Variants in CST9 observed in about 807,000 individuals in gnomAD.
CST9 encodes cystatin-9.
CST9 carries 11 observed loss-of-function variants against 7.7 expected under a neutral mutation model. The observed-to-expected ratio is 1.44, with a 90% CI of 0.90 to 2.38. The LOEUF is 2.38. CST9 is among the 30% of genes most tolerant of loss of function. The pLI is 0.00. For missense variants in CST9, 214 were observed against 199.1 expected (o/e 1.07, Z -0.45); for synonymous variants, 71 against 74.3 (o/e 0.96, Z 0.23).
chr20:23,604,605 A>G (rs370987869), intron 1 of CST9, among the ~76,000 whole-genome samples: 1 of 152,228 alleles, frequency 6.6e-6, no homozygotes, highest in South Asian at 2.1e-4. Context: ...TCCAGCATGA[A>G]TATTAGCAGC....
chr20:23,605,534 C>G, intron 1 of CST9, 76 bp downstream of exon 1: 2 of 1,517,594 alleles, frequency 1.3e-6, no homozygotes, highest in South Asian at 2.5e-5. Flanking sequence ...AACCAAGTCT[C>G]CTAGACTAGA....
rs1978654885 is a variant in CST9 at position 23,602,953 on chromosome 20, A to G, written c.*557T>C. 8.1e-6 allele frequency: 8 copies of G among 989,514 alleles called. No individual in the cohort carries two copies. Among genetic ancestry groups the G allele is most frequent in the African/African-American group, 1.7e-5 (1 of 57,386 alleles). 61.3% of individuals were successfully genotyped at this position (989,514 alleles called of 1,614,324 possible). A position where few individuals can be genotyped will look rare whatever the true frequency, so the allele number is the denominator to read the frequency against. On this transcript the variant is annotated 3_prime_UTR_variant, in exon 2 of 2. Transcript: ENST00000376971. The stretch of plus-strand genomic sequence containing the variant: ...TCACTTGTGCCATGCCTCCTCCTCC[A>G]GCCCGTGCCCCTCAGGGGAACCCCA...
Position 23,603,231 on chromosome 20 carries a change from A to G in CST9, c.*279T>C. On this transcript the variant is annotated 3_prime_UTR_variant, in exon 2 of 2. Coordinates refer to ENST00000376971, the MANE Select transcript of CST9 (RefSeq NM_001008693.3). ...CTCAGCCTCCACCACTTTTGGGTCT[A>G]GGGCAGGGTAGGGAAACCCTGAGAA... is the stretch of plus-strand genomic sequence containing the variant. The G allele has an allele frequency of 7.8e-7, 1 of 1,287,862 alleles. No individual in the cohort carries two copies. The highest frequency in any genetic ancestry group is 1.5e-5 in the African/African-American group (1 of 66,668). 79.8% of individuals were successfully genotyped at this position (1,287,862 alleles called of 1,614,324 possible). A position where few individuals can be genotyped will look rare whatever the true frequency, so the allele number is the denominator to read the frequency against.
intron 1 of CST9, among the ~76,000 whole-genome samples, chr20:23,604,024 C>T (rs893046408): frequency 6.6e-5 from 10 of 152,216 alleles, no homozygotes; most frequent in Admixed American, 2.0e-4. Context: ...CACGGTGAGA[C>T]TCCAGCTTCA....
rs1371242019 is a variant in CST9 at position 23,603,610 on chromosome 20, C to A, written c.380G>T (p.Gly127Val). 1 of 1,614,072 alleles carries A rather than the reference C, an allele frequency of 6.2e-7. No homozygotes were observed. The highest frequency in any genetic ancestry group is 8.5e-7 in the Non-Finnish European group (1 of 1,180,042). Residue 127 changes from glycine (G) to valine (V), a missense_variant, in exon 2 of 2, where the codon GGC (glycine) becomes GTC (valine). Coordinates refer to ENST00000376971, the MANE Select transcript of CST9 (RefSeq NM_001008693.3). ...GCTGTGGACCTGAGGAAAGCTGATG[C>A]CCTGTCTTACGTTGTTCAGCTCCAG... ...ESLELNNVRQGISFPQVHSCG... is the reference protein window; with the variant it reads ...ESLELNNVRQVISFPQVHSCG...
rs1242005044 is a variant in CST9, at chr20:23,605,599, T to C, written c.255+11A>G. 6.2e-7 allele frequency: 1 copy of C among 1,612,774 alleles called. No homozygotes were observed. Among genetic ancestry groups the C allele is most frequent in the Non-Finnish European group, 8.5e-7 (1 of 1,179,134 alleles). Reference sequence around the variant, plus strand: ...GAGAAGGACAGGCCAGAAGAGGATGTGGTCACCAACCTTTCTGTCCATGCT... The same window carrying C: ...GAGAAGGACAGGCCAGAAGAGGATGCGGTCACCAACCTTTCTGTCCATGCT... On this transcript the variant is annotated intron_variant, in intron 1 of 1. Coordinates refer to ENST00000376971, the MANE Select transcript of CST9 (RefSeq NM_001008693.3).
chr20:23,603,605 T>C lies in CST9; in HGVS notation c.385A>G (p.Ser129Gly). ...LELNNVRQGI[S>G]FPQVHSCGCC... ...CCACAGCTGTGGACCTGAGGAAAGC[T>C]GATGCCCTGTCTTACGTTGTTCAGC... Residue 129 changes from serine (S) to glycine (G), a missense_variant, in exon 2 of 2, where the codon AGC becomes GGC. Ser to Gly is a moderately conservative substitution (Grantham distance 56, BLOSUM62 0). Coordinates refer to ENST00000376971, the MANE Select transcript of CST9 (RefSeq NM_001008693.3). 1.2e-6 allele frequency: 2 copies of C among 1,614,226 alleles called. No homozygotes were observed. Among genetic ancestry groups the C allele is most frequent in the Middle Eastern group, 1.6e-4 (1 of 6,062 alleles).
At position 23,602,491 on chromosome 20, in the gene CST9, A is replaced by T. The variant is rs902117173; in HGVS notation, c.*1019T>A. On this transcript the variant is annotated 3_prime_UTR_variant, in exon 2 of 2. Coordinates refer to ENST00000376971, the MANE Select transcript of CST9 (RefSeq NM_001008693.3). The stretch of plus-strand genomic sequence containing the variant: ...GATTTTCTAAAATGCCAAGTCATAA[A>T]ACCTCAGACACTTGCAAAATAAGAG... 1 of 159,046 alleles carries T rather than the reference A, an allele frequency of 6.3e-6. No homozygotes were observed. Among genetic ancestry groups the T allele is most frequent in the Non-Finnish European group, 1.3e-5 (1 of 74,388 alleles). 9.9% of individuals were successfully genotyped at this position (159,046 alleles called of 1,614,324 possible).
Position 23,605,672 on chromosome 20 carries a change from C to T in CST9, c.193G>A (p.Glu65Lys). The T allele has an allele frequency of 6.2e-7, 1 of 1,614,190 alleles. No homozygotes were observed. The highest frequency in any genetic ancestry group is 8.5e-7 in the Non-Finnish European group (1 of 1,180,022). ...ACGCGCAACAGCCTGTAGGCATGCTCCTCCTTGCTCTGCACGTTGAAAGTG... is the reference window on the plus strand; with the variant it reads ...ACGCGCAACAGCCTGTAGGCATGCTTCTCCTTGCTCTGCACGTTGAAAGTG... ...LNTFNVQSKE[E>K]HAYRLLRVLS... Residue 65 changes from glutamate to lysine, a missense_variant, in exon 1 of 2, where the codon GAG (glutamate) becomes AAG (lysine). Transcript: ENST00000376971.
At position 23,605,735 on chromosome 20, in the gene CST9, CCTGGACTA is replaced by C; in HGVS notation, c.122_129del (p.Ile41ArgfsTer38). On this transcript the variant is annotated frameshift_variant, in exon 1 of 2. Transcript: ENST00000376971. LOFTEE classifies it high-confidence loss of function. ...TCCACTGTGGCGAGGAACATAGGATCCTGGACTATTTTATTATTACCACCCATTTCCTC... is the reference window on the plus strand; with the variant it reads ...TCCACTGTGGCGAGGAACATAGGATCTTTTATTATTACCACCCATTTCCTC... The C allele has an allele frequency of 6.2e-7, 1 of 1,614,220 alleles. No individual in the cohort carries two copies. Among genetic ancestry groups the C allele is most frequent in the Non-Finnish European group, 8.5e-7 (1 of 1,180,044 alleles).
chr20:23,605,650 C>T lies in CST9; in HGVS notation c.215G>A (p.Arg72His), dbSNP rs1405418371. Residue 72 changes from arginine (R) to histidine (H), a missense_variant, in exon 1 of 2, where the codon CGC becomes CAC. Coordinates refer to ENST00000376971, the MANE Select transcript of CST9 (RefSeq NM_001008693.3). ...ATCCTCCCTCCATGAACTCAGGACG[C>T]GCAACAGCCTGTAGGCATGCTCCTC... ...SKEEHAYRLL[R>H]VLSSWREDSM... The T allele has an allele frequency of 5.6e-6, 9 of 1,614,146 alleles. No homozygotes were observed. The highest frequency in any genetic ancestry group is 1.1e-5 in the South Asian group (1 of 91,084).
Position 23,603,580 on chromosome 20 carries a change from C to T in CST9, c.410G>A (p.Gly137Glu), listed in dbSNP as rs374258117. 72 of 1,614,080 alleles carry T rather than the reference C, an allele frequency of 4.5e-5. No individual in the cohort carries two copies. The highest frequency in any genetic ancestry group is 5.6e-5 in the Non-Finnish European group (66 of 1,180,038). ...GCCCACACCACACCCCATGCAGCAT[C>T]CACAGCTGTGGACCTGAGGAAAGCT... ...GISFPQVHSC[G>E]CCMGCGVGTG... Residue 137 changes from glycine (G) to glutamate (E), a missense_variant, in exon 2 of 2, where the codon GGA becomes GAA. Transcript: ENST00000376971.
rs1260082907 is a variant in CST9, at chr20:23,605,548, C to T, written c.255+62G>A. ...GAACCAAGTCTCCTAGACTAGACAT[C>T]TTGGTCCCTCACTTAGGGGCAGATG... On this transcript the variant is annotated intron_variant, in intron 1 of 1. Transcript: ENST00000376971. 10 of 1,572,220 alleles carry T rather than the reference C, an allele frequency of 6.4e-6. No homozygotes were observed. In the African/African-American group the frequency reaches 1.2e-4, roughly 19 times the overall value.
Position 23,605,640 on chromosome 20 carries a change from A to G in CST9, c.225T>C (p.Ser75=). The G allele has an allele frequency of 6.2e-7, 1 of 1,614,026 alleles. No homozygotes were observed. The highest frequency in any genetic ancestry group is 8.5e-7 in the Non-Finnish European group (1 of 1,179,996). ...TGTCCATGCTATCCTCCCTCCATGA[A>G]CTCAGGACGCGCAACAGCCTGTAGG... ...EHAYRLLRVL[S]SWREDSMDRK... is the part of the protein sequence containing the mutation. Residue 75 remains serine (S), a synonymous_variant, in exon 1 of 2, where the codon AGT becomes AGC. Coordinates refer to ENST00000376971, the MANE Select transcript of CST9 (RefSeq NM_001008693.3).
chr20:23,603,751 G>T lies in CST9; in HGVS notation c.256-17C>A. On this transcript the variant is annotated splice_polypyrimidine_tract_variant and intron_variant, in intron 1 of 1. Transcript: ENST00000376971. ...ACCTCGCCACTGTTGGACAAAAGAA[G>T]ATTAAAGTGGATGCACCGTCTTCCT... The T allele has an allele frequency of 6.2e-7, 1 of 1,612,736 alleles. No homozygotes were observed.
intron 1 of CST9, among the ~76,000 whole-genome samples, 164 bp downstream of exon 1, chr20:23,605,446 A>T (rs1366070924): frequency 2.0e-5 from 3 of 152,208 alleles, no homozygotes; most frequent in Non-Finnish European, 4.4e-5. Context: ...TTTAAAAAAA[A>T]TTTTAAGTTC....
At chr20:23,604,957 T>C (rs570225000) in intron 1 of CST9, among the ~76,000 whole-genome samples, 5 of 152,348 alleles carry the variant, frequency 3.3e-5, no homozygotes, top group Non-Finnish European at 5.9e-5. Flanking sequence ...GAACTGTGCA[T>C]TCCTGACCAC....
rs548551003 is a variant in CST9 at position 23,602,824 on chromosome 20, G to T, written c.*686C>A. 8 of 985,696 alleles carry T rather than the reference G, an allele frequency of 8.1e-6. No homozygotes were observed. Among genetic ancestry groups the T allele is most frequent in the Non-Finnish European group, 9.6e-6 (8 of 830,168 alleles). The allele number at this position is 985,696 out of a possible 1,614,324, so 61.1% of individuals were successfully genotyped here. On this transcript the variant is annotated 3_prime_UTR_variant, in exon 2 of 2. Transcript: ENST00000376971. ...CATCTCCACCTTGCCCATTCCTGGG[G>T]CCAGCAATTGTGCCACGTGGCTCTG...
At chr20:23,604,286 C>T (rs937108395) in intron 1 of CST9, among the ~76,000 whole-genome samples, 40 of 152,302 alleles carry the variant, frequency 2.6e-4, no homozygotes, top group African/African-American at 8.9e-4. Context: ...TTGCAAAGTG[C>T]ATGCTGAAGT....
Sources: gnomAD v4.1 joint callset for allele counts (sites outside exome capture counted in the v4.1 genomes callset) on GRCh38, gnomAD v4.1.1 for gene constraint, MANE v1.5 for transcripts, NCBI Gene and HGNC (gene_info 2026-07-23, HGNC 2026-07-21) for gene names.